PDCD2L: variants seen among roughly 807,000 people sequenced by gnomAD.
PDCD2L encodes the protein programmed cell death 2 like, also known as uS5 assembly chaperone PDCD2L.
PDCD2L carries 44 observed loss-of-function variants against 40.4 expected under a neutral mutation model. The ratio of observed to expected loss-of-function variants is 1.09; its 90% CI spans 0.86 to 1.40. The LOEUF (loss-of-function observed/expected upper bound fraction) is 1.40. Ranked by LOEUF, PDCD2L falls within the 40% of genes most tolerant of loss-of-function variation. PDCD2L has a pLI of 0.00. For synonymous variants in PDCD2L, 194 were observed against 174.6 expected (o/e 1.11, Z -0.88); for missense variants, 470 against 453.7 (o/e 1.04, Z -0.33).
chr19:34,421,717 T>C, intron 6 of PDCD2L, 50 bp downstream of exon 6: 1 of 1,525,088 alleles, frequency 6.6e-7, no homozygotes, highest in African/African-American at 1.4e-5. Flanking sequence ...GCATTATTTT[T>C]AAATAAATGA....
At chr19:34,419,938 A>G (rs1052476957) in intron 5 of PDCD2L, among the ~76,000 whole-genome samples, 2 of 151,162 alleles carry the variant, frequency 1.3e-5, no homozygotes, top group African/African-American at 4.9e-5. Flanking sequence ...GTGCACCACT[A>G]TGTCTGGCTA....
chr19:34,420,211 G>A (rs1236547422), intron 5 of PDCD2L, among the ~76,000 whole-genome samples: 1 of 151,514 alleles, frequency 6.6e-6, no homozygotes, highest in African/African-American at 2.4e-5. Flanking sequence ...AGCTGATCTC[G>A]AACTCCTGTC....
chr19:34,412,959 T>G (rs1486442774), intron 4 of PDCD2L, among the ~76,000 whole-genome samples: 1 of 152,046 alleles, frequency 6.6e-6, no homozygotes, highest in Admixed American at 6.6e-5. Flanking sequence ...AGGATGGTTT[T>G]GAACTCCTGA....
In PDCD2L at chr19:34,413,722, TG is replaced by T; in HGVS notation, c.687-14del. The T allele has an allele frequency of 5.0e-6, 7 of 1,398,106 alleles. No homozygotes were observed. The highest frequency in any genetic ancestry group is 7.0e-6 in the Non-Finnish European group (7 of 996,350). 86.6% of individuals were successfully genotyped at this position (1,398,106 alleles called of 1,614,324 possible). On this transcript the variant is annotated splice_polypyrimidine_tract_variant and intron_variant, in intron 4 of 6. Coordinates refer to ENST00000246535, the MANE Select transcript of PDCD2L (RefSeq NM_032346.2). ...GATATAGACATTCAAAAGTGTTTTC[TG>T]CTTCTGTTTTTAGCCTTCCTAATGA...
intron 4 of PDCD2L, among the ~76,000 whole-genome samples, chr19:34,413,052 T>C (rs1216492198): frequency 1.3e-5 from 2 of 150,624 alleles, no homozygotes; most frequent in Non-Finnish European, 3.0e-5. Context: ...AGAAATTTTT[T>C]TTTGAGACGG....
In PDCD2L at chr19:34,413,837, C is replaced by G; in HGVS notation, c.787C>G (p.Gln263Glu). ...FMKRIAACQE[Q>E]ILRYSWSGEP... ...GAAGCGAATTGCTGCTTGTCAGGAGCAGATTTTGAGGTAAAAAAAGGCACA... is the reference window on the plus strand; with the variant it reads ...GAAGCGAATTGCTGCTTGTCAGGAGGAGATTTTGAGGTAAAAAAAGGCACA... The change falls in exon 5 of 7, where the codon CAG (glutamine) becomes GAG (glutamate). Residue 263 changes from glutamine (Q) to glutamate (E), a missense_variant. Gln to Glu is a conservative substitution (Grantham distance 29). Coordinates refer to ENST00000246535, the MANE Select transcript of PDCD2L (RefSeq NM_032346.2). 1 of 1,586,478 alleles carries G rather than the reference C, an allele frequency of 6.3e-7. No homozygotes were observed. The highest frequency in any genetic ancestry group is 8.6e-7 in the Non-Finnish European group (1 of 1,158,542).
intron 3 of PDCD2L, among the ~76,000 whole-genome samples, chr19:34,408,021 C>A (rs1381338435): frequency 1.3e-5 from 2 of 151,908 alleles, no homozygotes; most frequent in East Asian, 1.9e-4. Flanking sequence ...CATTCTCCCA[C>A]GTCAGCCTCC....
In PDCD2L at chr19:34,426,108, A is replaced by G. The variant is rs1342849354; in HGVS notation, c.1065A>G (p.Leu355=). 7 of 1,574,366 alleles carry G rather than the reference A, an allele frequency of 4.4e-6. No individual in the cohort carries two copies. Among genetic ancestry groups the G allele is most frequent in the Non-Finnish European group, 5.2e-6 (6 of 1,145,076 alleles). Residue 355 remains leucine (L), a synonymous_variant, in exon 7 of 7, where the codon TTA becomes TTG. Coordinates refer to ENST00000246535, the MANE Select transcript of PDCD2L (RefSeq NM_032346.2). ...FCIIQEDPDE[L]LFK ...TTATACAAGAAGACCCAGATGAATT[A>G]TTGTTTAAGTAGAGCATTTCCTTTT...
intron 4 of PDCD2L, among the ~76,000 whole-genome samples, chr19:34,410,128 T>C (rs2075095384): frequency 6.6e-6 from 1 of 152,080 alleles, no homozygotes; most frequent in Admixed American, 6.6e-5. Flanking sequence ...AGAGACAGGG[T>C]CTCACTCTGT....
Position 34,404,778 on chromosome 19 carries a change from T to C in PDCD2L, c.238T>C (p.Cys80Arg). Residue 80 changes from cysteine to arginine, a missense_variant, in exon 2 of 7, where the codon TGC becomes CGC. Coordinates refer to ENST00000246535, the MANE Select transcript of PDCD2L (RefSeq NM_032346.2). ...PFHRLLHVFA[C>R]ACPGCSTGGA... ...TCACCGTCTGCTGCACGTGTTCGCG[T>C]GCGCCTGCCCCGGCTGTAGCACCGG... The C allele has an allele frequency of 6.2e-7, 1 of 1,607,232 alleles. No individual in the cohort carries two copies. Among genetic ancestry groups the C allele is most frequent in the Non-Finnish European group, 8.5e-7 (1 of 1,178,080 alleles).
At chr19:34,411,985 A>ATATATATAT (rs1568358917) in intron 4 of PDCD2L, among the ~76,000 whole-genome samples, 1 of 98,252 alleles carries the variant, frequency 1.0e-5, no homozygotes, top group African/African-American at 3.0e-5. Flanking sequence ...TATATATATA[A>ATATATATAT]AATAAATAAT....
rs140108926 is a variant in PDCD2L at position 34,404,746 on chromosome 19, C to T, written c.206C>T (p.Ser69Phe). The T allele has an allele frequency of 7.9e-5, 127 of 1,611,796 alleles. 2 individuals are homozygous for T. The highest frequency in any genetic ancestry group is 5.1e-4 in the South Asian group (46 of 90,986). The change falls in exon 2 of 7, where the codon TCC (serine) becomes TTC (phenylalanine). Residue 69 changes from serine to phenylalanine, a missense_variant. Ser to Phe is a radical substitution (Grantham distance 155). Transcript: ENST00000246535. ...VVQVYCPLEG[S>F]PFHRLLHVFA... ...CAGGTGTATTGCCCGCTGGAAGGCTCCCCGTTTCACCGTCTGCTGCACGTG... is the reference window on the plus strand; with the variant it reads ...CAGGTGTATTGCCCGCTGGAAGGCTTCCCGTTTCACCGTCTGCTGCACGTG...
At chr19:34,416,855 C>A (rs2075128524) in intron 5 of PDCD2L, among the ~76,000 whole-genome samples, 1 of 152,198 alleles carries the variant, frequency 6.6e-6, no homozygotes. Context: ...GTGGCTCACG[C>A]CAGTAATCCC....
Position 34,405,564 on chromosome 19 carries a change from C to T in PDCD2L, c.336+574C>T, listed in dbSNP as rs144217742. Among the ~76,000 whole-genome samples the T allele has an allele frequency of 2.4e-3, 361 of 151,922 alleles. 4 individuals are homozygous for T. The East Asian group carries it at 0.041, about 17-fold the overall frequency. On this transcript the variant is annotated intron_variant, in intron 3 of 6. Coordinates refer to ENST00000246535, the MANE Select transcript of PDCD2L (RefSeq NM_032346.2). ...TGGTGGCTCACGCCTGTGATCCCAC[C>T]GTTTTTTGAGAGGCTGAAGTGGGAG...
chr19:34,413,911 GA>G (rs2075115669), intron 5 of PDCD2L, 64 bp downstream of exon 5: 1 of 1,032,340 alleles, frequency 9.7e-7, no homozygotes, highest in Non-Finnish European at 1.4e-6. Flanking sequence ...TATTAGTTTG[GA>G]AAACACAGGA....
intron 4 of PDCD2L, among the ~76,000 whole-genome samples, chr19:34,410,415 C>G (rs2145460633): frequency 6.6e-6 from 1 of 152,268 alleles, no homozygotes; most frequent in Non-Finnish European, 1.5e-5. Flanking sequence ...CCATGCCCAG[C>G]TAATTTTTGT....
intron 1 of PDCD2L, 26 bp downstream of exon 1, chr19:34,404,564 T>A (rs1238989393): frequency 6.4e-7 from 1 of 1,563,534 alleles, no homozygotes; most frequent in African/African-American, 1.4e-5. Flanking sequence ...GGAGCTGGGG[T>A]CGATGGGTGC....
rs536239219 is a variant in PDCD2L at position 34,420,839 on chromosome 19, C to G, written c.798-680C>G. 2.6e-5 allele frequency among the ~76,000 whole-genome samples: 4 copies of G among 151,504 alleles called. No individual in the cohort carries two copies. The South Asian group carries it at 6.3e-4, about 24-fold the overall frequency. ...AAACTGAAGTGAATGTTTCCTCCCT[C>G]TAAGGCAGAGGTCCCCAACCTTTTT... is the stretch of plus-strand genomic sequence containing the variant. On this transcript the variant is annotated intron_variant, in intron 5 of 6. Transcript: ENST00000246535.
At chr19:34,418,127 A>G (rs150792241) in intron 5 of PDCD2L, among the ~76,000 whole-genome samples, 39 of 152,328 alleles carry the variant, frequency 2.6e-4, no homozygotes, top group African/African-American at 8.7e-4. Context: ...CAGCAGCTTT[A>G]TTGAGATACA....
Sources: allele counts gnomAD v4.1 joint callset (sites outside exome capture counted in the v4.1 genomes callset), GRCh38; gene constraint gnomAD v4.1.1; transcripts MANE v1.5; gene names NCBI Gene and HGNC (gene_info 2026-07-23, HGNC 2026-07-21).